Variants in FBXO15 observed in about 807,000 individuals in gnomAD.
The protein encoded by FBXO15 is F-box only protein 15.
Under a neutral mutation model 49.5 loss-of-function variants are expected in FBXO15, and 30 were observed. That is an observed-to-expected ratio of 0.61 (90% CI 0.45 to 0.82). The LOEUF is 0.82. Among genes scored for constraint, FBXO15 ranks in the 40% least tolerant of loss-of-function variants. FBXO15 has a pLI of 0.00. For synonymous variants in FBXO15, 250 were observed against 232.7 expected, an observed-to-expected ratio of 1.07 and a Z score of -0.68; for missense variants, 591 against 631.5, an observed-to-expected ratio of 0.94 and a Z score of 0.69.
intron 8 of FBXO15, among the ~76,000 whole-genome samples, chr18:74,109,046 C>T (rs888143800): frequency 1.3e-5 from 2 of 152,084 alleles, no homozygotes; most frequent in Admixed American, 1.3e-4. Context: ...ACTAGACCTG[C>T]CTTGTAAAAG....
chr18:74,106,525 A>C (rs72972530), intron 8 of FBXO15, among the ~76,000 whole-genome samples: 1 of 152,196 alleles, frequency 6.6e-6, no homozygotes, highest in Non-Finnish European at 1.5e-5. Flanking sequence ...ATTCTTTAGT[A>C]CCTCATAAGG....
intron 8 of FBXO15, among the ~76,000 whole-genome samples, chr18:74,105,006 T>C (rs1353227256): frequency 1.3e-5 from 2 of 152,200 alleles, no homozygotes; most frequent in Admixed American, 6.6e-5. Context: ...AATCCTGTCA[T>C]CTGCAGCAAC....
intron 8 of FBXO15, among the ~76,000 whole-genome samples, chr18:74,103,817 ACAAACAAAAG>A: frequency 6.6e-6 from 1 of 152,296 alleles, no homozygotes; most frequent in African/African-American, 2.4e-5. Flanking sequence ...TATCTCCCAC[ACAAACAAAAG>A]CTGAGGCAAT....
intron 2 of FBXO15, 52 bp downstream of exon 2, chr18:74,140,150 T>C (rs575812028): frequency 1.4e-6 from 2 of 1,448,700 alleles, no homozygotes; most frequent in South Asian, 1.3e-5. Flanking sequence ...CTTTCTCTAA[T>C]AACCCCATGC....
chr18:74,107,763 C>A (rs1011362878), intron 8 of FBXO15, among the ~76,000 whole-genome samples: 3 of 152,108 alleles, frequency 2.0e-5, no homozygotes, highest in Non-Finnish European at 4.4e-5. Flanking sequence ...GAAAAATATT[C>A]CTCTATTCCT....
At chr18:74,111,134 T>C (rs1297087680) in intron 8 of FBXO15, among the ~76,000 whole-genome samples, 1 of 151,800 alleles carries the variant, frequency 6.6e-6, no homozygotes, top group African/African-American at 2.4e-5. Context: ...ACATGGAACA[T>C]TTACAAAGAT....
intron 1 of FBXO15, among the ~76,000 whole-genome samples, chr18:74,145,271 AT>A (rs1979334500): frequency 1.3e-5 from 2 of 152,228 alleles, no homozygotes; most frequent in African/African-American, 4.8e-5. Context: ...TTTAATTGGA[AT>A]ATGAAGGCTA....
chr18:74,124,456 A>C (rs747806300), intron 7 of FBXO15, 33 bp downstream of exon 7: 27 of 1,562,488 alleles, frequency 1.7e-5, no homozygotes, highest in Non-Finnish European at 2.3e-5. Context: ...TTTACTGTAC[A>C]AAAATTCAAC....
intron 8 of FBXO15, among the ~76,000 whole-genome samples, chr18:74,114,687 T>G (rs894172186): frequency 6.6e-6 from 1 of 152,230 alleles, no homozygotes; most frequent in African/African-American, 2.4e-5. Context: ...AAACTTCTTT[T>G]TAACTTAATT....
At chr18:74,111,195 G>A (rs1423249588) in intron 8 of FBXO15, among the ~76,000 whole-genome samples, 1 of 150,502 alleles carries the variant, frequency 6.6e-6, no homozygotes, top group Non-Finnish European at 1.5e-5. Flanking sequence ...GCCAAGTGCG[G>A]TGCCTCACAC....
chr18:74,106,332 AAAC>A (rs1382762732), intron 8 of FBXO15, among the ~76,000 whole-genome samples: 1 of 152,160 alleles, frequency 6.6e-6, no homozygotes, highest in Non-Finnish European at 1.5e-5. Context: ...CTGAGATTCA[AAAC>A]AATATATACA....
At chr18:74,096,598 G>A (rs1913285300) in intron 8 of FBXO15, among the ~76,000 whole-genome samples, 1 of 150,432 alleles carries the variant, frequency 6.6e-6, no homozygotes, top group Non-Finnish European at 1.5e-5. Flanking sequence ...TAGCCATATA[G>A]CCACAAGAAA....
intron 8 of FBXO15, among the ~76,000 whole-genome samples, chr18:74,086,172 T>C (rs964886996): frequency 2.6e-5 from 4 of 152,166 alleles, no homozygotes; most frequent in Middle Eastern, 6.8e-3. Flanking sequence ...ATCAAGAAAC[T>C]TGATAATATC....
Position 74,073,703 on chromosome 18 carries a change from A to T in FBXO15, c.1291T>A (p.Leu431Met). The T allele has an allele frequency of 6.2e-7, 1 of 1,613,904 alleles. No individual in the cohort carries two copies. Among genetic ancestry groups the T allele is most frequent in the Non-Finnish European group, 8.5e-7 (1 of 1,179,900 alleles). The stretch of plus-strand genomic sequence containing the variant: ...CAAAAGGGTTTCCCATGTTCATCCA[A>T]AAGAGTTACGTCCATCATGGAACAA... ...KSCSMMDVTL[L>M]DEHGKPFWCF... The change falls in exon 10 of 10, where the codon TTG becomes ATG. Residue 431 changes from leucine to methionine, a missense_variant. Physicochemically the swap from Leu to Met is conservative, Grantham distance 15 (BLOSUM62 2). Coordinates refer to ENST00000419743, the MANE Select transcript of FBXO15 (RefSeq NM_001142958.2).
At chr18:74,139,344 A>G (rs1361952525) in intron 2 of FBXO15, among the ~76,000 whole-genome samples, 3 of 152,200 alleles carry the variant, frequency 2.0e-5, no homozygotes, top group Admixed American at 1.3e-4. Flanking sequence ...GTCCTCAAAT[A>G]TTTAATGGAT....
At chr18:74,116,446 T>C (rs1056190866) in intron 8 of FBXO15, among the ~76,000 whole-genome samples, 1 of 152,216 alleles carries the variant, frequency 6.6e-6, no homozygotes, top group Admixed American at 6.5e-5. Context: ...GTGGACTTAA[T>C]TGGAGCATCC....
At chr18:74,128,861 T>C (rs1452654865) in intron 5 of FBXO15, among the ~76,000 whole-genome samples, 1 of 152,240 alleles carries the variant, frequency 6.6e-6, no homozygotes, top group Non-Finnish European at 1.5e-5. Context: ...AGTGATATCT[T>C]TTGATCGATC....
At chr18:74,089,084 T>TA (rs1912892755) in intron 8 of FBXO15, among the ~76,000 whole-genome samples, 1 of 152,176 alleles carries the variant, frequency 6.6e-6, no homozygotes, top group South Asian at 2.1e-4. Context: ...ATCACTTAGG[T>TA]ATTAAGCCCC....
chr18:74,083,277 G>C (rs769255838), intron 8 of FBXO15, among the ~76,000 whole-genome samples: 2 of 152,200 alleles, frequency 1.3e-5, no homozygotes, highest in Non-Finnish European at 2.9e-5. Flanking sequence ...AGGAAGAAAT[G>C]CCAAATGACA....
Sources: gnomAD v4.1 joint callset for allele counts (sites outside exome capture counted in the v4.1 genomes callset) on GRCh38, gnomAD v4.1.1 for gene constraint, MANE v1.5 for transcripts, NCBI Gene and HGNC (gene_info 2026-07-23, HGNC 2026-07-21) for gene names.